ALG5: variants seen among roughly 807,000 people sequenced by gnomAD.
ALG5 encodes ALG5 dolichyl-phosphate beta-glucosyltransferase.
A neutral mutation model predicts 51.8 loss-of-function variants in ALG5; 26 were observed. The ratio of observed to expected loss-of-function variants is 0.50; its 90% confidence interval spans 0.37 to 0.70. The LOEUF is 0.70. ALG5 is among the 30% of genes least tolerant of loss of function. The pLI, the probability that ALG5 is intolerant of heterozygous loss-of-function variation, is 0.00. For synonymous variants in ALG5, 141 were observed against 136.1 expected (o/e 1.04, Z -0.25); for missense variants, 311 against 399.3 (o/e 0.78, Z 1.88).
At chr13:36,980,331 T>C (rs1277988520) in intron 6 of ALG5, among the ~76,000 whole-genome samples, 1 of 152,054 alleles carries the variant, frequency 6.6e-6, no homozygotes, top group Non-Finnish European at 1.5e-5. Flanking sequence ...GCCTCCCAGG[T>C]TCTAGTGATT....
Position 36,949,776 on chromosome 13 carries a change from T to G in ALG5, c.*166A>C. 1 of 449,618 alleles carries G rather than the reference T, an allele frequency of 2.2e-6. No homozygotes were observed. The highest frequency in any genetic ancestry group is 3.9e-6 in the Non-Finnish European group (1 of 255,556). 27.9% of individuals were successfully genotyped at this position (449,618 alleles called of 1,614,324 possible). On this transcript the variant is annotated 3_prime_UTR_variant, in exon 10 of 10. Coordinates refer to ENST00000239891, the MANE Select transcript of ALG5 (RefSeq NM_013338.5). ...AAACATCTTTTAAAAATCATTTATA[T>G]CCAAAGAGATATATAATTTTTTACT...
intron 6 of ALG5, among the ~76,000 whole-genome samples, chr13:36,977,361 T>G (rs1488128843): frequency 1.3e-5 from 2 of 152,148 alleles, no homozygotes; most frequent in East Asian, 1.9e-4. Context: ...AGTTGGCTTT[T>G]AATAAGTGAG....
rs2058889974 is a variant in ALG5, at chr13:36,965,662, T to C, written c.686A>G (p.Lys229Arg). Residue 229 changes from lysine to arginine, a missense_variant, in exon 8 of 10, where the codon AAA becomes AGA. Coordinates refer to ENST00000239891, the MANE Select transcript of ALG5 (RefSeq NM_013338.5). ...CCCACACTGTGTGTCCCTGATTCCT[T>C]TGACACAAAGGAACCACACCAGAAA... Reference protein sequence around the residue: ...FHFLVWFLCVKGIRDTQCGFK... With the variant: ...FHFLVWFLCVRGIRDTQCGFK... The C allele has an allele frequency of 6.2e-7, 1 of 1,613,988 alleles. No individual in the cohort carries two copies. The highest frequency in any genetic ancestry group is 8.5e-7 in the Non-Finnish European group (1 of 1,179,928).
At chr13:36,998,167 A>G (rs1315118722) in intron 1 of ALG5, among the ~76,000 whole-genome samples, 1 of 152,118 alleles carries the variant, frequency 6.6e-6, no homozygotes, top group Non-Finnish European at 1.5e-5. Context: ...TCAATCTAAG[A>G]ATGTGTGAAT....
intron 3 of ALG5, among the ~76,000 whole-genome samples, chr13:36,994,541 G>A (rs559734291): frequency 6.6e-6 from 1 of 151,456 alleles, no homozygotes; most frequent in Non-Finnish European, 1.5e-5. Flanking sequence ...TGTTCATTCA[G>A]ACTTAGTTTT....
intron 8 of ALG5, among the ~76,000 whole-genome samples, chr13:36,964,117 T>C (rs1312160602): frequency 6.6e-6 from 1 of 152,078 alleles, no homozygotes; most frequent in Non-Finnish European, 1.5e-5. Context: ...CAACAGGATA[T>C]AATTAGGGGC....
intron 8 of ALG5, among the ~76,000 whole-genome samples, chr13:36,958,024 G>A (rs775444409): frequency 7.2e-5 from 11 of 152,096 alleles, no homozygotes; most frequent in South Asian, 2.1e-4. Flanking sequence ...AAAGGAAACC[G>A]AAAATCCAGG....
chr13:36,995,758 A>G (rs936695463), intron 1 of ALG5, among the ~76,000 whole-genome samples, 162 bp from the exon 2 acceptor site: 1 of 152,226 alleles, frequency 6.6e-6, no homozygotes, highest in East Asian at 1.9e-4. Context: ...AAATTAGACA[A>G]TAGTGAGTCC....
chr13:36,950,987 T>C (rs1185815986), intron 9 of ALG5, among the ~76,000 whole-genome samples: 1 of 152,202 alleles, frequency 6.6e-6, no homozygotes, highest in East Asian at 1.9e-4. Flanking sequence ...ACTTTATATT[T>C]AAAGAAGACC....
chr13:36,987,535 G>A (rs1015246709), intron 5 of ALG5, among the ~76,000 whole-genome samples: 5 of 152,156 alleles, frequency 3.3e-5, no homozygotes, highest in African/African-American at 1.2e-4. Context: ...TCCTGTTCTC[G>A]TCATACGATG....
chr13:36,963,839 A>G (rs1267210518), intron 8 of ALG5, among the ~76,000 whole-genome samples: 1 of 152,214 alleles, frequency 6.6e-6, no homozygotes, highest in Non-Finnish European at 1.5e-5. Flanking sequence ...ATATACTGGC[A>G]TAATCATGCA....
intron 8 of ALG5, among the ~76,000 whole-genome samples, chr13:36,959,341 A>T (rs981928668): frequency 1.3e-5 from 2 of 152,190 alleles, no homozygotes; most frequent in Non-Finnish European, 2.9e-5. Flanking sequence ...AAAATTGCTA[A>T]GATAGTAAAT....
chr13:36,989,881 A>C (rs540067074), intron 4 of ALG5, among the ~76,000 whole-genome samples: 102 of 152,124 alleles, frequency 6.7e-4, no homozygotes, highest in African/African-American at 2.1e-3. Flanking sequence ...ACAACAACAA[A>C]AAACAACAAA....
At chr13:36,954,549 C>CA (rs2058831829) in intron 8 of ALG5, among the ~76,000 whole-genome samples, 1 of 152,148 alleles carries the variant, frequency 6.6e-6, no homozygotes, top group African/African-American at 2.4e-5. Flanking sequence ...ATTACACATA[C>CA]AAAAAAATGC....
chr13:36,976,748 A>G (rs1480513277), intron 6 of ALG5, among the ~76,000 whole-genome samples: 1 of 27,320 alleles, frequency 3.7e-5, no homozygotes, highest in Admixed American at 2.6e-4. Context: ...ACTCTGTCTC[A>G]GGAAAAAAAA....
chr13:36,993,264 G>A lies in ALG5; in HGVS notation c.354+340C>T, dbSNP rs533114577. On this transcript the variant is annotated intron_variant, in intron 4 of 9. Coordinates refer to ENST00000239891, the MANE Select transcript of ALG5 (RefSeq NM_013338.5). Reference sequence around the variant, plus strand: ...GGTACGAAAGCAGCTTTCTATTGGCGTGACTGCTTTAGAAATTATAAGGCA... The same window carrying A: ...GGTACGAAAGCAGCTTTCTATTGGCATGACTGCTTTAGAAATTATAAGGCA... Among the ~76,000 whole-genome samples the A allele has an allele frequency of 7.9e-5, 12 of 152,312 alleles. No homozygotes were observed. In the South Asian group the frequency reaches 2.5e-3, roughly 32 times the overall value.
intron 8 of ALG5, among the ~76,000 whole-genome samples, chr13:36,958,181 C>A (rs1395163140): frequency 6.6e-6 from 1 of 152,088 alleles, no homozygotes; most frequent in Admixed American, 6.6e-5. Flanking sequence ...TCTCTTACCC[C>A]CTTTCACTCT....
intron 4 of ALG5, among the ~76,000 whole-genome samples, chr13:36,990,479 C>A (rs533850937): frequency 1.3e-5 from 2 of 152,358 alleles, no homozygotes; most frequent in African/African-American, 4.8e-5. Flanking sequence ...ATAATCCACA[C>A]AAGGACTGAC....
chr13:36,977,790 C>CAAAAAAAAAAAAAAAAAAAAA (rs869027711), intron 6 of ALG5, among the ~76,000 whole-genome samples: 2 of 39,172 alleles, frequency 5.1e-5, no homozygotes, highest in African/African-American at 2.7e-4. Flanking sequence ...AGACTGTCTC[C>CAAAAAAAAAAAAAAAAAAAAA]AAAAAAAAAA....
Sources: gnomAD v4.1 joint callset for allele counts (sites outside exome capture counted in the v4.1 genomes callset) on GRCh38, gnomAD v4.1.1 for gene constraint, MANE v1.5 for transcripts, NCBI Gene and HGNC (gene_info 2026-07-23, HGNC 2026-07-21) for gene names.